Variants in ACSL6 observed in about 807,000 individuals in gnomAD.
ACSL6 encodes the protein acyl-CoA synthetase long chain family member 6.
In ACSL6, 47 loss-of-function variants were observed where a neutral mutation model predicts 98.2. The observed-to-expected ratio is 0.48, with a 90% confidence interval of 0.38 to 0.61. The LOEUF (loss-of-function observed/expected upper bound fraction) is 0.61. Among genes scored for constraint, ACSL6 ranks in the 20% least tolerant of loss-of-function variants. The pLI, the probability that ACSL6 is intolerant of heterozygous loss-of-function variation, is 0.00. For missense variants in ACSL6, 761 were observed against 913.4 expected, an observed-to-expected ratio of 0.83 and a Z score of 2.15; for synonymous variants, 362 against 336.9, an observed-to-expected ratio of 1.07 and a Z score of -0.82.
chr5:132,011,528 C>G lies in ACSL6; in HGVS notation c.26G>C (p.Gly9Ala). ...ACCTACGAATAGCCAGAGGGAGCCC[C>G]CCGACACGAGGAAGAAGGTCAGCAT... MLTFFLVS[G>A]GSLWLFVEFV... Residue 9 changes from glycine (G) to alanine (A), a missense_variant, in exon 1 of 21, where the codon GGG (glycine) becomes GCG (alanine). Coordinates refer to ENST00000651883, the MANE Select transcript of ACSL6 (RefSeq NM_001009185.3). The surrounding 1 kb of genome is among the most constrained non-coding windows in gnomAD (Gnocchi z 5.4). 1.2e-6 allele frequency: 2 copies of G among 1,604,558 alleles called. No individual in the cohort carries two copies. Among genetic ancestry groups the G allele is most frequent in the Non-Finnish European group, 1.7e-6 (2 of 1,175,936 alleles).
At chr5:132,000,521 G>A (rs193053495) in intron 1 of ACSL6, among the ~76,000 whole-genome samples, 1 of 152,088 alleles carries the variant, frequency 6.6e-6, no homozygotes, top group East Asian at 1.9e-4. Flanking sequence ...TAGGGGTGTG[G>A]GTGGCTACTT....
intron 9 of ACSL6, 55 bp from the exon 10 acceptor site, chr5:131,976,776 G>C (rs1439299464): frequency 6.7e-7 from 1 of 1,496,328 alleles, no homozygotes; most frequent in African/African-American, 1.4e-5. Context: ...GCCACTTCTT[G>C]AGAGCAGTGC....
chr5:131,957,774 A>G (rs936719984), intron 20 of ACSL6, among the ~76,000 whole-genome samples: 4 of 152,242 alleles, frequency 2.6e-5, no homozygotes, highest in African/African-American at 7.2e-5. Context: ...TGAGCTTTGG[A>G]TCACAACTGA....
intron 6 of ACSL6, 160 bp downstream of exon 6, chr5:131,988,645 A>T: frequency 6.2e-7 from 1 of 1,612,052 alleles, no homozygotes. Context: ...GGACAGCTTG[A>T]CTCAGGAAGC....
Position 131,953,742 on chromosome 5 carries a change from A to G in ACSL6, c.*492T>C, listed in dbSNP as rs1014716686. 1.0e-5 allele frequency: 2 copies of G among 194,502 alleles called. No individual in the cohort carries two copies. The highest frequency in any genetic ancestry group is 2.1e-5 in the Non-Finnish European group (2 of 93,064). The allele number at this position is 194,502 out of a possible 1,614,324, so 12.0% of individuals were successfully genotyped here. ...GAAGTTACGTAGACTATGAGTTATC[A>G]TGTTTTCTTTTAGCATGATTCTATA... On this transcript the variant is annotated 3_prime_UTR_variant, in exon 21 of 21. Transcript: ENST00000651883.
intron 1 of ACSL6, 34 bp from the exon 2 acceptor site, chr5:131,994,285 C>A: frequency 6.4e-7 from 1 of 1,562,620 alleles, no homozygotes; most frequent in Non-Finnish European, 8.7e-7. Flanking sequence ...AGGCAAGAGA[C>A]CTGACGGGCA....
At position 131,953,237 on chromosome 5, in the gene ACSL6, ATACTT is replaced by A. The variant is rs1353303913; in HGVS notation, c.*992_*996del. ...TATATTTTTTCTAGGTAGTTCCTGA[ATACTT>A]TAATGAGCTTAATAAATGAGAAAAT... On this transcript the variant is annotated 3_prime_UTR_variant, in exon 21 of 21. Transcript: ENST00000651883. 4.2e-5 allele frequency: 8 copies of A among 190,906 alleles called. No individual in the cohort carries two copies. Among genetic ancestry groups the A allele is most frequent in the Non-Finnish European group, 8.8e-5 (8 of 91,152 alleles). 11.8% of individuals were successfully genotyped at this position (190,906 alleles called of 1,614,324 possible). A position where few individuals can be genotyped will look rare whatever the true frequency, so the allele number is the denominator to read the frequency against.
intron 9 of ACSL6, among the ~76,000 whole-genome samples, chr5:131,981,340 A>C (rs552075484): frequency 6.1e-4 from 92 of 152,014 alleles, no homozygotes; most frequent in African/African-American, 2.2e-3. Flanking sequence ...AAAAAAAAAA[A>C]AAAAACACAA....
intron 1 of ACSL6, among the ~76,000 whole-genome samples, chr5:132,000,867 G>T (rs1755050369): frequency 6.6e-6 from 1 of 152,168 alleles, no homozygotes; most frequent in African/African-American, 2.4e-5. Context: ...TTGCCCAATT[G>T]CCTGGCAAGT....
intron 10 of ACSL6, chr5:131,975,723 T>C (rs1753578375): frequency 1.0e-6 from 1 of 985,254 alleles, no homozygotes; most frequent in Non-Finnish European, 1.2e-6. Flanking sequence ...CAGGGGCTAC[T>C]CCAGCCAGGG....
intron 9 of ACSL6, among the ~76,000 whole-genome samples, chr5:131,979,355 T>C (rs1753781488): frequency 6.6e-6 from 1 of 152,226 alleles, no homozygotes; most frequent in Non-Finnish European, 1.5e-5. Context: ...ATTTGCAAAG[T>C]TGGCTGACTT....
chr5:131,954,155 CA>C lies in ACSL6; in HGVS notation c.*78del. The C allele has an allele frequency of 2.8e-6, 4 of 1,416,810 alleles. No homozygotes were observed. Among genetic ancestry groups the C allele is most frequent in the Non-Finnish European group, 3.7e-6 (4 of 1,073,260 alleles). 87.8% of individuals were successfully genotyped at this position (1,416,810 alleles called of 1,614,324 possible). A position where few individuals can be genotyped will look rare whatever the true frequency, so the allele number is the denominator to read the frequency against. On this transcript the variant is annotated 3_prime_UTR_variant, in exon 21 of 21. Coordinates refer to ENST00000651883, the MANE Select transcript of ACSL6 (RefSeq NM_001009185.3). Reference sequence around the variant, plus strand: ...GATGCTTATTCATTTTCAGCTGTGTCATTTTGACTCATTACTTTCAAGAATA... The same window carrying C: ...GATGCTTATTCATTTTCAGCTGTGTCTTTTGACTCATTACTTTCAAGAATA...
At chr5:131,959,738 GA>G (rs1450494299) in intron 19 of ACSL6, 131 bp from the exon 20 acceptor site, 1 of 790,006 alleles carries the variant, frequency 1.3e-6, no homozygotes, top group Admixed American at 2.1e-5. Flanking sequence ...GCCCGCAACT[GA>G]GGCTGATACT....
At position 131,985,446 on chromosome 5, in the gene ACSL6, CA is replaced by C; in HGVS notation, c.876del (p.Asp293MetfsTer34). The C allele has an allele frequency of 6.2e-7, 1 of 1,613,960 alleles. No homozygotes were observed. The highest frequency in any genetic ancestry group is 8.5e-7 in the Non-Finnish European group (1 of 1,180,006). ...ENHQAPVPPQ[P>X]DDLSIVCFTS... Reference sequence around the variant, plus strand: ...GTGAAACACACAATGGAGAGGTCATCAGGCTGCGGGGGCTGCAGGGGTGAGA... The same window carrying C: ...GTGAAACACACAATGGAGAGGTCATCGGCTGCGGGGGCTGCAGGGGTGAGA... On this transcript the variant is annotated frameshift_variant, in exon 9 of 21. Coordinates refer to ENST00000651883, the MANE Select transcript of ACSL6 (RefSeq NM_001009185.3). LOFTEE classifies it high-confidence loss of function.
Position 131,988,168 on chromosome 5 carries a change from A to C in ACSL6, c.711T>G (p.His237Gln). Residue 237 changes from histidine to glutamine, a missense_variant, in exon 7 of 21, where the codon CAT (histidine) becomes CAG (glutamine). Transcript: ENST00000651883. ...GGCCTGGAGTCTCCTTCCTCTCCAC[A>C]TGCTCTAGCAGAAGCACAGCCTTCT... is the stretch of plus-strand genomic sequence containing the variant. ...KPQKAVLLLE[H>Q]VERKETPGLK... The C allele has an allele frequency of 6.2e-7, 1 of 1,614,062 alleles. No homozygotes were observed. Among genetic ancestry groups the C allele is most frequent in the Non-Finnish European group, 8.5e-7 (1 of 1,180,004 alleles).
At chr5:132,006,379 A>T (rs970439930) in intron 1 of ACSL6, 8 of 152,084 alleles carry the variant, frequency 5.3e-5, no homozygotes, top group Admixed American at 2.6e-4. Flanking sequence ...GAATAACCAC[A>T]CCTACCACGG....
chr5:131,976,072 G>A (rs1580653917), intron 10 of ACSL6: 3 of 985,344 alleles, frequency 3.0e-6, no homozygotes, highest in East Asian at 1.1e-4. Flanking sequence ...GAAGGAAACT[G>A]CAGGACATAC....
At chr5:132,012,082 C>A, upstream of ACSL6, 2 of 993,656 alleles carry the variant, frequency 2.0e-6, no homozygotes, top group Non-Finnish European at 2.9e-6. Context: ...AGCCGGGTCG[C>A]GGTTACCTGT....
chr5:131,968,144 G>A, intron 15 of ACSL6, 116 bp from the exon 16 acceptor site: 1 of 792,988 alleles, frequency 1.3e-6, no homozygotes, highest in Non-Finnish European at 2.1e-6. Flanking sequence ...TGGATGGAAA[G>A]TAACACATCT....
Sources: gnomAD v4.1 joint callset for allele counts (sites outside exome capture counted in the v4.1 genomes callset) on GRCh38, gnomAD v4.1.1 for gene constraint, Gnocchi (gnomAD v3.1) non-coding constraint, MANE v1.5 for transcripts, NCBI Gene and HGNC (gene_info 2026-07-23, HGNC 2026-07-21) for gene names.